Variants in NTN4 observed in about 807,000 individuals in gnomAD.
NTN4 encodes the protein netrin-4.
Under a neutral mutation model 73.6 loss-of-function variants are expected in NTN4, and 32 were observed. The observed-to-expected ratio is 0.44, with a 90% CI of 0.33 to 0.58. NTN4 has a LOEUF of 0.58. NTN4 is among the 20% of genes least tolerant of loss of function. The probability of loss-of-function intolerance (pLI) is 0.04; values close to 1 mark genes in which losing one functional copy is unlikely to be tolerated. For synonymous variants in NTN4, 258 were observed against 287.5 expected, an observed-to-expected ratio of 0.90 and a Z score of 1.04; for missense variants, 654 against 798.3, an observed-to-expected ratio of 0.82 and a Z score of 2.18.
intron 2 of NTN4, among the ~76,000 whole-genome samples, chr12:95,759,149 G>T (rs1018113848): frequency 1.3e-5 from 2 of 152,078 alleles, no homozygotes; most frequent in East Asian, 3.8e-4. Flanking sequence ...AATCAGCGTG[G>T]TAACTTTGTT....
chr12:95,716,131 A>G (rs780819369), intron 3 of NTN4, among the ~76,000 whole-genome samples: 3 of 152,112 alleles, frequency 2.0e-5, no homozygotes, highest in Non-Finnish European at 4.4e-5. Flanking sequence ...ATAAAAACAC[A>G]TAAATAATCT....
intron 3 of NTN4, among the ~76,000 whole-genome samples, chr12:95,722,617 TGTCTCG>T (rs1356510980): frequency 6.6e-6 from 1 of 151,988 alleles, no homozygotes; most frequent in East Asian, 1.9e-4. Context: ...AGCCAGACCT[TGTCTCG>T]AAAAACAAAA....
chr12:95,693,497 G>A (rs978425780), intron 5 of NTN4, among the ~76,000 whole-genome samples: 2 of 151,944 alleles, frequency 1.3e-5, no homozygotes, highest in Admixed American at 1.3e-4. Context: ...TTGAGAGGGC[G>A]AGGCAGGCAG....
At chr12:95,720,180 C>T (rs949260420) in intron 3 of NTN4, among the ~76,000 whole-genome samples, 1 of 152,210 alleles carries the variant, frequency 6.6e-6, no homozygotes, top group East Asian at 1.9e-4. Flanking sequence ...GGGGCAAATC[C>T]TTATATTATT....
intron 7 of NTN4, among the ~76,000 whole-genome samples, chr12:95,677,551 G>A (rs958592048): frequency 6.6e-6 from 1 of 152,076 alleles, no homozygotes; most frequent in Non-Finnish European, 1.5e-5. Flanking sequence ...TCCTAAGCAA[G>A]CAAATAAATA....
chr12:95,749,156 G>A (rs1462779226), intron 2 of NTN4, among the ~76,000 whole-genome samples: 2 of 151,170 alleles, frequency 1.3e-5, no homozygotes, highest in Non-Finnish European at 2.9e-5. Context: ...CCTATAAAAC[G>A]GCCCCACCCC....
intron 9 of NTN4, among the ~76,000 whole-genome samples, chr12:95,664,736 C>G (rs527747713): frequency 1.3e-5 from 2 of 152,230 alleles, no homozygotes; most frequent in South Asian, 4.1e-4. Flanking sequence ...CCTCAGCCTC[C>G]TGGGTAGCTG....
At chr12:95,673,215 G>C (rs368427992) in intron 7 of NTN4, 5 of 439,446 alleles carry the variant, frequency 1.1e-5, no homozygotes, top group Non-Finnish European at 1.7e-5. Context: ...TCCCATTTTC[G>C]TTTTAGCCAT....
chr12:95,749,192 T>C (rs1021019617), intron 2 of NTN4, among the ~76,000 whole-genome samples: 11 of 152,182 alleles, frequency 7.2e-5, no homozygotes, highest in African/African-American at 2.7e-4. Flanking sequence ...ACTCTCTTTT[T>C]GGACTCAGCC....
At chr12:95,700,752 G>T (rs1322959985) in intron 5 of NTN4, among the ~76,000 whole-genome samples, 3 of 151,714 alleles carry the variant, frequency 2.0e-5, no homozygotes, top group Admixed American at 6.6e-5. Context: ...ATCTAGGAAG[G>T]TTATTCTCTT....
At chr12:95,731,004 A>C (rs1382628723) in intron 3 of NTN4, among the ~76,000 whole-genome samples, 1 of 152,150 alleles carries the variant, frequency 6.6e-6, no homozygotes, top group Admixed American at 6.6e-5. Context: ...TCCTAATAAA[A>C]CCATAGATAT....
intron 2 of NTN4, among the ~76,000 whole-genome samples, chr12:95,767,755 C>T (rs981201003): frequency 6.6e-6 from 1 of 152,148 alleles, no homozygotes; most frequent in Non-Finnish European, 1.5e-5. Context: ...TTCAGAGGCA[C>T]CTTGCACTGT....
intron 2 of NTN4, among the ~76,000 whole-genome samples, chr12:95,746,304 C>T (rs2121201973): frequency 6.6e-6 from 1 of 152,308 alleles, no homozygotes; most frequent in South Asian, 2.1e-4. Context: ...AGCCCCTGCA[C>T]CTGGAACTGT....
intron 7 of NTN4, chr12:95,672,507 G>A: frequency 8.5e-6 from 13 of 1,537,358 alleles, no homozygotes; most frequent in Non-Finnish European, 9.9e-6. Flanking sequence ...GGACCCTCTG[G>A]ACAGTGCTAG....
chr12:95,684,745 T>C (rs1447482588), intron 5 of NTN4, among the ~76,000 whole-genome samples: 2 of 152,198 alleles, frequency 1.3e-5, no homozygotes, highest in Non-Finnish European at 2.9e-5. Flanking sequence ...AAAGTGTATA[T>C]CTATGTGTTT....
intron 3 of NTN4, among the ~76,000 whole-genome samples, chr12:95,727,650 T>A (rs980919309): frequency 1.3e-5 from 2 of 152,222 alleles, no homozygotes; most frequent in Non-Finnish European, 2.9e-5. Flanking sequence ...TCTCTCCCAT[T>A]GATTTATATG....
At chr12:95,697,445 C>A (rs536666021) in intron 5 of NTN4, among the ~76,000 whole-genome samples, 1 of 152,196 alleles carries the variant, frequency 6.6e-6, no homozygotes, top group Admixed American at 6.5e-5. Flanking sequence ...TATTTATCAT[C>A]TTTCACACTT....
chr12:95,683,127 T>A (rs2120991250), intron 6 of NTN4, among the ~76,000 whole-genome samples: 1 of 152,322 alleles, frequency 6.6e-6, no homozygotes, highest in East Asian at 1.9e-4. Flanking sequence ...TGGTGCAATC[T>A]TGGCTCATTG....
intron 2 of NTN4, among the ~76,000 whole-genome samples, chr12:95,742,592 A>T (rs1198301791): frequency 6.6e-6 from 1 of 152,206 alleles, no homozygotes; most frequent in African/African-American, 2.4e-5. Context: ...TCATATTTTT[A>T]AAAATTCTTT....
Sources: allele counts gnomAD v4.1 joint callset (sites outside exome capture counted in the v4.1 genomes callset), GRCh38; gene constraint gnomAD v4.1.1; transcripts MANE v1.5; gene names NCBI Gene and HGNC (gene_info 2026-07-23, HGNC 2026-07-21).